The following GART variants were observed in gnomAD, a reference collection of about 807,000 sequenced individuals.
The protein encoded by GART is trifunctional purine biosynthetic protein adenosine-3.
In GART, 43 loss-of-function variants were observed where a neutral mutation model predicts 107.2. The ratio of observed to expected loss-of-function variants is 0.40; its 90% CI spans 0.31 to 0.52. The LOEUF is 0.52. Among genes scored for constraint, GART ranks in the 20% least tolerant of loss-of-function variants. The pLI is 0.52. For missense variants in GART, 1,107 were observed against 1,206.5 expected (o/e 0.92, Z 1.22); for synonymous variants, 434 against 427.0 (o/e 1.02, Z -0.20).
chr21:33,529,744 C>G (rs1260786038), intron 7 of GART: 3 of 155,224 alleles, frequency 1.9e-5, no homozygotes, highest in Non-Finnish European at 4.3e-5. Flanking sequence ...CAGGCATGAG[C>G]CACTGCGCCT....
chr21:33,518,816 A>C (rs1279069161), intron 14 of GART: 5 of 523,996 alleles, frequency 9.5e-6, no homozygotes, highest in Non-Finnish European at 1.9e-5. Context: ...TAAACTAGTC[A>C]GATTGTCTGC....
intron 17 of GART, among the ~76,000 whole-genome samples, chr21:33,510,609 C>T (rs1442868323): frequency 6.6e-6 from 1 of 152,158 alleles, no homozygotes; most frequent in Admixed American, 6.6e-5. Flanking sequence ...GGATTACAGG[C>T]GTGAGCCACC....
At chr21:33,508,086 T>C (rs1278876317) in intron 18 of GART, among the ~76,000 whole-genome samples, 2 of 152,196 alleles carry the variant, frequency 1.3e-5, no homozygotes, top group Non-Finnish European at 2.9e-5. Flanking sequence ...AAAGCACAGA[T>C]ATTCCTGGAT....
rs764380446 is a variant in GART, at chr21:33,508,515, C to CTT, written c.2452+1266_2452+1267dup. Among the ~76,000 whole-genome samples the CTT allele has an allele frequency of 6.7e-3, 733 of 109,810 alleles. 10 individuals are homozygous for CTT. The highest frequency in any genetic ancestry group is 0.011 in the Non-Finnish European group (565 of 53,454). 72.0% of individuals were successfully genotyped at this position (109,810 alleles called of 152,430 possible). On this transcript the variant is annotated intron_variant, in intron 18 of 21. Coordinates refer to ENST00000381815, the MANE Select transcript of GART (RefSeq NM_000819.5). ...CCTGTTTTGTATCTATTGTTTCCAT[C>CTT]TTTTTTTTTTTTTTTTTTTTTGAGA...
intron 3 of GART, 45 bp from the exon 4 acceptor site, chr21:33,534,798 G>C (rs1356586977): frequency 2.0e-6 from 3 of 1,498,174 alleles, no homozygotes; most frequent in East Asian, 2.4e-5. Context: ...GGTCTCCCCA[G>C]GGGCTTTTCA....
intron 18 of GART, among the ~76,000 whole-genome samples, chr21:33,506,602 AT>A (rs2145673058): frequency 6.6e-6 from 1 of 152,332 alleles, no homozygotes; most frequent in East Asian, 1.9e-4. Flanking sequence ...CTGTATAGCA[AT>A]GGAAACAATC....
rs1347908422 is a variant in GART at position 33,511,550 on chromosome 21, T to A, written c.2108-92A>T. On this transcript the variant is annotated intron_variant, in intron 16 of 21. Coordinates refer to ENST00000381815, the MANE Select transcript of GART (RefSeq NM_000819.5). ...ATATTCAAAGATGTGGAAATTATAA[T>A]CAGGCTCTGCTATTTTATGTAGGGT... is the stretch of plus-strand genomic sequence containing the variant. 2.3e-6 allele frequency: 3 copies of A among 1,289,546 alleles called. No homozygotes were observed. The East Asian group carries it at 6.9e-5, about 30-fold the overall frequency. The allele number at this position is 1,289,546 out of a possible 1,614,324, so 79.9% of individuals were successfully genotyped here.
rs35927582 is a variant in GART, at chr21:33,520,537, T to C, written c.1529A>G (p.Asp510Gly). ...TGCTACCAAATCTTGACCAATGGTA[T>C]CATGTTTATTGCATAGCTGGGCAAT... ...LKIAQLCNKHDTIGQDLVAMC... is the reference protein window; with the variant it reads ...LKIAQLCNKHGTIGQDLVAMC... The change falls in exon 14 of 22, where the codon GAT (aspartate) becomes GGT (glycine). Residue 510 changes from aspartate to glycine, a missense_variant. By Grantham distance (94) the Asp-to-Gly change is moderately conservative. Transcript: ENST00000381815. The C allele has an allele frequency of 1.2e-3, 1,971 of 1,614,108 alleles. 23 individuals are homozygous for C. In the African/African-American group the frequency reaches 0.024, roughly 20 times the overall value.
intron 10 of GART, among the ~76,000 whole-genome samples, chr21:33,525,398 A>T (rs574066486): frequency 6.6e-6 from 1 of 152,198 alleles, no homozygotes; most frequent in South Asian, 2.1e-4. Flanking sequence ...AAAATTAAAG[A>T]TCTTTCTCTC....
chr21:33,512,329 T>C (rs2084800227), intron 16 of GART, among the ~76,000 whole-genome samples: 1 of 146,484 alleles, frequency 6.8e-6, no homozygotes, highest in Non-Finnish European at 1.5e-5. Context: ...TTCTCTCTTA[T>C]CACAAATAAT....
At chr21:33,538,986 T>C (rs2085355842) in intron 2 of GART, among the ~76,000 whole-genome samples, 185 bp downstream of exon 2, 1 of 152,106 alleles carries the variant, frequency 6.6e-6, no homozygotes, top group Non-Finnish European at 1.5e-5. Context: ...TTCACCATGT[T>C]AGCCAGGATG....
At chr21:33,532,009 T>C (rs184265934) in intron 5 of GART, 1 of 268,682 alleles carries the variant, frequency 3.7e-6, no homozygotes, top group African/African-American at 2.2e-5. Context: ...TTAATTTACT[T>C]CTCTTAGACC....
intron 2 of GART, among the ~76,000 whole-genome samples, chr21:33,538,012 G>A (rs1555895240): frequency 6.6e-6 from 1 of 152,068 alleles, no homozygotes; most frequent in Non-Finnish European, 1.5e-5. Context: ...GGAGGCTGAG[G>A]CGGGCAGATC....
At chr21:33,532,504 A>C in intron 4 of GART, 48 bp from the exon 5 acceptor site, 124 of 1,361,210 alleles carry the variant, frequency 9.1e-5, no homozygotes, top group Non-Finnish European at 1.2e-4. Flanking sequence ...ATTACAACTC[A>C]AGATTTTAAA....
chr21:33,532,743 T>C (rs1455706389), intron 4 of GART, among the ~76,000 whole-genome samples: 3 of 152,192 alleles, frequency 2.0e-5, no homozygotes, highest in Non-Finnish European at 4.4e-5. Flanking sequence ...AGAGTAGATA[T>C]GGCATAATCT....
At chr21:33,542,631 A>C (rs1396362955), upstream of GART, 1 of 161,788 alleles carries the variant, frequency 6.2e-6, no homozygotes, top group Non-Finnish European at 1.4e-5. Context: ...CCGGATGCAT[A>C]TCCCTGTCGA....
chr21:33,542,785 A>T, upstream of GART: 1 of 442,538 alleles, frequency 2.3e-6, no homozygotes, highest in Non-Finnish European at 4.2e-6. Context: ...GGGACTGACA[A>T]CTTATGCGGA....
rs2084986651 is a variant in GART, at chr21:33,522,243, A to G, written c.1338T>C (p.Ala446=). ...GAATTTTCTTGACCAGCATATTTCC[A>G]GCTGCGATATCTACTCCAGATTCCT... is the stretch of plus-strand genomic sequence containing the variant. The part of the protein sequence containing the change: ...TYKESGVDIA[A]GNMLVKKIQP... Residue 446 remains alanine (A), a synonymous_variant, in exon 12 of 22, where the codon GCT becomes GCC. Transcript: ENST00000381815. The G allele has an allele frequency of 1.2e-6, 2 of 1,613,924 alleles. No individual in the cohort carries two copies. Among genetic ancestry groups the G allele is most frequent in the African/African-American group, 1.3e-5 (1 of 74,954 alleles).
In GART at chr21:33,539,156, T is replaced by G; in HGVS notation, c.145+15A>C. 2 of 1,608,404 alleles carry G rather than the reference T, an allele frequency of 1.2e-6. No individual in the cohort carries two copies. The highest frequency in any genetic ancestry group is 1.7e-6 in the Non-Finnish European group (2 of 1,177,614). ...CAAATAATAACTATTACTCCCCACTTTAAAACATGATTACCGGTATTTGAA... is the reference window on the plus strand; with the variant it reads ...CAAATAATAACTATTACTCCCCACTGTAAAACATGATTACCGGTATTTGAA... On this transcript the variant is annotated intron_variant, in intron 2 of 21. Coordinates refer to ENST00000381815, the MANE Select transcript of GART (RefSeq NM_000819.5).
Sources: gnomAD v4.1 joint callset for allele counts (sites outside exome capture counted in the v4.1 genomes callset) on GRCh38, gnomAD v4.1.1 for gene constraint, MANE v1.5 for transcripts, NCBI Gene and HGNC (gene_info 2026-07-23, HGNC 2026-07-21) for gene names.